APBB2: variants seen among roughly 807,000 people sequenced by gnomAD.
APBB2 encodes the protein Fe65-like 1.
APBB2 carries 38 observed loss-of-function variants against 82.5 expected under a neutral mutation model. That is an observed-to-expected ratio of 0.46 (90% CI 0.36 to 0.60). The LOEUF is 0.60. Among genes scored for constraint, APBB2 ranks in the 20% least tolerant of loss-of-function variants. APBB2 has a pLI of 0.00. For missense variants in APBB2, 772 were observed against 972.3 expected, an observed-to-expected ratio of 0.79 and a Z score of 2.74; for synonymous variants, 341 against 368.2, an observed-to-expected ratio of 0.93 and a Z score of 0.85.
intron 12 of APBB2, among the ~76,000 whole-genome samples, chr4:40,883,977 C>T (rs1171803676): frequency 1.3e-5 from 2 of 152,170 alleles, no homozygotes; most frequent in African/African-American, 2.4e-5. Flanking sequence ...CTCATGTGGT[C>T]TTATCTCTTC....
intron 6 of APBB2, among the ~76,000 whole-genome samples, chr4:40,986,032 A>G (rs532717992): frequency 3.3e-5 from 5 of 152,352 alleles, no homozygotes; most frequent in African/African-American, 1.2e-4. Context: ...GTTCTATTTG[A>G]AAAACCTTTA....
intron 6 of APBB2, among the ~76,000 whole-genome samples, chr4:40,949,768 C>T (rs190994429): frequency 6.6e-6 from 1 of 152,216 alleles, no homozygotes; most frequent in Non-Finnish European, 1.5e-5. Context: ...AGCTTCACTG[C>T]CCTTCTGACT....
chr4:40,945,024 A>C lies in APBB2; in HGVS notation c.885T>G (p.Pro295=). The C allele has an allele frequency of 6.9e-7, 1 of 1,453,994 alleles. No homozygotes were observed. Among genetic ancestry groups the C allele is most frequent in the Non-Finnish European group, 9.2e-7 (1 of 1,082,012 alleles). The allele number at this position is 1,453,994 out of a possible 1,614,324, so 90.1% of individuals were successfully genotyped here. A position where few individuals can be genotyped will look rare whatever the true frequency, so the allele number is the denominator to read the frequency against. ...HSFQTDPDLP[P]GWKRVSDIAG... ...CAATGTCACTGACTCTTTTCCAGCC[A>C]GGCGGCAAATCTGGATCAGTCTGAA... is the stretch of plus-strand genomic sequence containing the variant. Residue 295 remains proline, a synonymous_variant, in exon 7 of 18, where the codon CCT becomes CCG. Transcript: ENST00000508593.
At chr4:40,856,876 G>A in intron 12 of APBB2, 2 of 909,958 alleles carry the variant, frequency 2.2e-6, no homozygotes, top group Non-Finnish European at 2.6e-6. Flanking sequence ...CTCGCTAAGC[G>A]CTGACTCGGG....
chr4:40,845,423 C>T (rs1200061564), intron 12 of APBB2, among the ~76,000 whole-genome samples: 1 of 151,930 alleles, frequency 6.6e-6, no homozygotes, highest in African/African-American at 2.4e-5. Flanking sequence ...AGATTAATTC[C>T]ACATGAGCCG....
At chr4:41,151,341 A>T (rs138094134) in intron 1 of APBB2, among the ~76,000 whole-genome samples, 180 of 152,336 alleles carry the variant, frequency 1.2e-3, no homozygotes, top group African/African-American at 4.1e-3. Context: ...CCATATTTGT[A>T]TTGTTCAATA....
chr4:41,123,571 C>T (rs939921086), intron 2 of APBB2, among the ~76,000 whole-genome samples: 3 of 152,132 alleles, frequency 2.0e-5, no homozygotes, highest in African/African-American at 7.2e-5. Flanking sequence ...GTGGCTCACA[C>T]CTGTAATCCC....
At chr4:40,995,548 A>ATT (rs58607232) in intron 6 of APBB2, among the ~76,000 whole-genome samples, 2 of 142,648 alleles carry the variant, frequency 1.4e-5, no homozygotes, top group Non-Finnish European at 3.1e-5. Flanking sequence ...AAAAAAAAAA[A>ATT]TTTTTTTTTT....
At chr4:40,881,000 T>C in intron 12 of APBB2, 1 of 985,450 alleles carries the variant, frequency 1.0e-6, no homozygotes, top group Admixed American at 6.1e-5. Flanking sequence ...AAACTGTTCT[T>C]GGACAATCAC....
chr4:41,155,373 ACTGTAGTT>A (rs1343984030), intron 1 of APBB2, among the ~76,000 whole-genome samples: 10 of 152,232 alleles, frequency 6.6e-5, no homozygotes, highest in Non-Finnish European at 1.3e-4. Context: ...ACCACAGATA[ACTGTAGTT>A]CAGCAATTTT....
intron 6 of APBB2, among the ~76,000 whole-genome samples, chr4:40,948,890 C>CAG (rs1491477555): frequency 2.0e-5 from 2 of 101,614 alleles, no homozygotes; most frequent in Non-Finnish European, 3.8e-5. Flanking sequence ...ATCCTGTCTC[C>CAG]AAAAAAAAAA....
intron 12 of APBB2, among the ~76,000 whole-genome samples, chr4:40,888,370 C>T (rs889785988): frequency 5.9e-5 from 9 of 152,264 alleles, no homozygotes; most frequent in African/African-American, 1.2e-4. Flanking sequence ...AAAACCTCAT[C>T]AATACAATCC....
chr4:40,839,276 C>T (rs1755036038), intron 12 of APBB2, among the ~76,000 whole-genome samples: 1 of 151,844 alleles, frequency 6.6e-6, no homozygotes. Flanking sequence ...TGAACGCAAC[C>T]TTGCCTCCCT....
intron 6 of APBB2, among the ~76,000 whole-genome samples, chr4:40,963,453 G>C (rs1207668480): frequency 6.6e-6 from 1 of 152,208 alleles, no homozygotes. Context: ...TCGCCATGTT[G>C]CCTAGGCTGG....
intron 6 of APBB2, among the ~76,000 whole-genome samples, chr4:41,001,196 C>T (rs1805129105): frequency 6.6e-6 from 1 of 152,198 alleles, no homozygotes; most frequent in African/African-American, 2.4e-5. Flanking sequence ...CTGACAATTC[C>T]ACATGGAACT....
intron 16 of APBB2, chr4:40,822,299 C>T (rs1016090822): frequency 6.5e-6 from 3 of 460,302 alleles, no homozygotes; most frequent in Non-Finnish European, 1.2e-5. Context: ...TCCCATTCTC[C>T]ATTATGCTAC....
intron 2 of APBB2, among the ~76,000 whole-genome samples, chr4:41,119,373 C>T (rs1393321877): frequency 6.6e-6 from 1 of 151,892 alleles, no homozygotes; most frequent in African/African-American, 2.4e-5. Flanking sequence ...TTATATTCCT[C>T]CTTTTATACA....
chr4:41,140,217 C>T lies in APBB2; in HGVS notation c.-261+2770G>A, dbSNP rs568819588. 2.6e-5 allele frequency among the ~76,000 whole-genome samples: 4 copies of T among 152,300 alleles called. No individual in the cohort carries two copies. The South Asian group carries it at 8.3e-4, about 32-fold the overall frequency. ...ACTCCAGACAGCTTTCTGATAGCCT[C>T]TCATTTGGCTAGGCCTTAAACAATT... On this transcript the variant is annotated intron_variant, in intron 2 of 17. Coordinates refer to ENST00000508593, the MANE Select transcript of APBB2 (RefSeq NM_004307.2).
At chr4:40,979,034 G>A (rs1797864622) in intron 6 of APBB2, among the ~76,000 whole-genome samples, 1 of 152,100 alleles carries the variant, frequency 6.6e-6, no homozygotes, top group Admixed American at 6.5e-5. Flanking sequence ...CATGACCTTG[G>A]GAAGTTTCTT....
Sources: allele counts gnomAD v4.1 joint callset (sites outside exome capture counted in the v4.1 genomes callset), GRCh38; gene constraint gnomAD v4.1.1; transcripts MANE v1.5; gene names NCBI Gene and HGNC (gene_info 2026-07-23, HGNC 2026-07-21).